DOCK2: variants seen among roughly 807,000 people sequenced by gnomAD.
The protein encoded by DOCK2 is dedicator of cytokinesis 2.
DOCK2 carries 87 observed loss-of-function variants against 248.9 expected under a neutral mutation model. That is an observed-to-expected ratio of 0.35 (90% CI 0.29 to 0.42). DOCK2 has a LOEUF of 0.42. DOCK2 is among the 10% of genes least tolerant of loss of function. The probability of loss-of-function intolerance (pLI) is 1.00; values close to 1 mark genes in which losing one functional copy is unlikely to be tolerated. For synonymous variants in DOCK2, 805 were observed against 821.6 expected, an observed-to-expected ratio of 0.98 and a Z score of 0.35; for missense variants, 1,747 against 2,300.2, an observed-to-expected ratio of 0.76 and a Z score of 4.92.
At chr5:169,787,086 A>G (rs1226356213) in intron 25 of DOCK2, among the ~76,000 whole-genome samples, 1 of 152,178 alleles carries the variant, frequency 6.6e-6, no homozygotes, top group Non-Finnish European at 1.5e-5. Context: ...TTACAGATAC[A>G]GAAACAAAGA....
intron 27 of DOCK2, among the ~76,000 whole-genome samples, chr5:169,873,780 C>T (rs1035826660): frequency 1.3e-5 from 2 of 152,210 alleles, no homozygotes; most frequent in African/African-American, 4.8e-5. Flanking sequence ...GTGGCCAAAT[C>T]GCTTAACCAA....
At chr5:169,768,302 G>A (rs757073744) in intron 25 of DOCK2, among the ~76,000 whole-genome samples, 9 of 152,228 alleles carry the variant, frequency 5.9e-5, no homozygotes, top group East Asian at 3.8e-4. Context: ...CTGTCTCTAC[G>A]GCTCACAGGT....
At chr5:169,683,689 A>G (rs901199009) in intron 7 of DOCK2, among the ~76,000 whole-genome samples, 10 of 152,072 alleles carry the variant, frequency 6.6e-5, no homozygotes, top group Non-Finnish European at 1.2e-4. Flanking sequence ...AGTAATGTTG[A>G]GTATCTCTTT....
At chr5:169,933,645 A>G (rs145184271) in intron 27 of DOCK2, among the ~76,000 whole-genome samples, 2 of 152,236 alleles carry the variant, frequency 1.3e-5, no homozygotes, top group African/African-American at 4.8e-5. Context: ...GTGAGGAGTA[A>G]CAGCTGTAGA....
At chr5:169,996,284 A>T in intron 30 of DOCK2, 120 bp downstream of exon 30, 2 of 1,013,502 alleles carry the variant, frequency 2.0e-6, no homozygotes, top group Non-Finnish European at 2.8e-6. Flanking sequence ...CTCTCCAGGG[A>T]TTCCCACGGG....
intron 30 of DOCK2, among the ~76,000 whole-genome samples, chr5:170,004,617 C>T (rs536034789): frequency 1.1e-4 from 16 of 150,062 alleles, no homozygotes; most frequent in Non-Finnish European, 1.8e-4. Flanking sequence ...CACATGCACA[C>T]GTATGTTTAT....
intron 27 of DOCK2, among the ~76,000 whole-genome samples, chr5:169,870,289 T>C (rs965062971): frequency 6.6e-6 from 1 of 152,220 alleles, no homozygotes; most frequent in Non-Finnish European, 1.5e-5. Context: ...CCAGCCATCA[T>C]GCTCGCTGAA....
At chr5:169,718,202 C>A (rs1037303930) in intron 21 of DOCK2, among the ~76,000 whole-genome samples, 1 of 151,952 alleles carries the variant, frequency 6.6e-6, no homozygotes, top group African/African-American at 2.4e-5. Context: ...TGGTGGGGAC[C>A]AGTTTGTGAA....
intron 32 of DOCK2, among the ~76,000 whole-genome samples, chr5:170,013,834 G>A (rs1298523228): frequency 6.6e-6 from 1 of 152,138 alleles, no homozygotes; most frequent in Non-Finnish European, 1.5e-5. Context: ...TATGCCAGTA[G>A]CTGGGGTTAA....
chr5:169,835,248 G>C (rs1769486183), intron 26 of DOCK2, among the ~76,000 whole-genome samples: 1 of 148,370 alleles, frequency 6.7e-6, no homozygotes, highest in African/African-American at 2.5e-5. Flanking sequence ...GGAGGAAAGA[G>C]TGAAATGCCT....
At chr5:169,863,778 T>C (rs1771356593) in intron 27 of DOCK2, among the ~76,000 whole-genome samples, 1 of 152,240 alleles carries the variant, frequency 6.6e-6, no homozygotes, top group Non-Finnish European at 1.5e-5. Flanking sequence ...TTGTGCTTAT[T>C]ATGTATGCTG....
In DOCK2 at chr5:169,730,067, C is replaced by A. The variant is rs574484376; in HGVS notation, c.2267+11276C>A. Among the ~76,000 whole-genome samples, 54 of 152,294 alleles carry A rather than the reference C, an allele frequency of 3.5e-4. 2 individuals carry two copies. The South Asian group carries it at 0.011, about 31-fold the overall frequency. On this transcript the variant is annotated intron_variant, in intron 22 of 51. Coordinates refer to ENST00000520908, the MANE Select transcript of DOCK2 (RefSeq NM_004946.3). ...TGCCTCCTGGGTTCAAGTGATTCTC[C>A]TGCCTCAGCCTCCCGAGTAGCTGGG...
At chr5:169,920,116 G>A (rs757373387) in intron 27 of DOCK2, among the ~76,000 whole-genome samples, 3 of 152,212 alleles carry the variant, frequency 2.0e-5, no homozygotes, top group Non-Finnish European at 4.4e-5. Context: ...CAAGAGATTG[G>A]CTTTTTGAGA....
chr5:169,662,002 T>C (rs1218372869), intron 2 of DOCK2, among the ~76,000 whole-genome samples: 2 of 152,244 alleles, frequency 1.3e-5, no homozygotes, highest in Admixed American at 6.5e-5. Flanking sequence ...CTGGATCATA[T>C]GCTAGTTCTA....
intron 27 of DOCK2, chr5:169,934,826 G>A (rs259900): frequency 0.11 from 45,322 of 423,074 alleles, 3,431 homozygotes; most frequent in African/African-American, 0.3. Flanking sequence ...TGATTGTAGT[G>A]TCATCTGCAA....
rs996751575 is a variant in DOCK2, at chr5:169,695,941, A to T, written c.979+3A>T. On this transcript the variant is annotated splice_donor_region_variant and intron_variant, in intron 10 of 51. Coordinates refer to ENST00000520908, the MANE Select transcript of DOCK2 (RefSeq NM_004946.3). ...GAGGAGGCCCTTTGGGGTGGCAGGT[A>T]AGGGGCACACTCTGCATCATTGATT... The T allele has an allele frequency of 6.3e-7, 1 of 1,598,232 alleles. No individual in the cohort carries two copies. Among genetic ancestry groups the T allele is most frequent in the African/African-American group, 1.3e-5 (1 of 74,088 alleles).
intron 1 of DOCK2, among the ~76,000 whole-genome samples, chr5:169,644,806 C>G (rs899160677): frequency 2.6e-5 from 4 of 152,038 alleles, no homozygotes; most frequent in African/African-American, 4.8e-5. Flanking sequence ...TCCCCCACCC[C>G]CTGACAGGCC....
At chr5:169,800,944 CTTTTTTTTTTTTT>C (rs60140740) in intron 25 of DOCK2, among the ~76,000 whole-genome samples, 57 of 53,188 alleles carry the variant, frequency 1.1e-3, no homozygotes, top group African/African-American at 6.3e-3. Flanking sequence ...TTCTTTCTTT[CTTTTTTTTTTTTT>C]TTTTTTTTTT....
At chr5:169,812,092 T>C (rs1013878836) in intron 26 of DOCK2, among the ~76,000 whole-genome samples, 4 of 152,154 alleles carry the variant, frequency 2.6e-5, no homozygotes, top group African/African-American at 9.7e-5. Flanking sequence ...CAACCCTGGG[T>C]CCATGGCCTG....
Sources: allele counts gnomAD v4.1 joint callset (sites outside exome capture counted in the v4.1 genomes callset), GRCh38; gene constraint gnomAD v4.1.1; transcripts MANE v1.5; gene names NCBI Gene and HGNC (gene_info 2026-07-23, HGNC 2026-07-21).